Variants in TRAPPC9 observed in about 807,000 individuals in gnomAD.
TRAPPC9 encodes trafficking protein particle complex subunit 9.
TRAPPC9 carries 83 observed loss-of-function variants against 124.0 expected under a neutral mutation model. That is an observed-to-expected ratio of 0.67 (90% confidence interval 0.56 to 0.80). The LOEUF is 0.80. TRAPPC9 is among the 30% of genes least tolerant of loss of function. TRAPPC9 has a pLI of 0.00. For synonymous variants in TRAPPC9, 638 were observed against 617.5 expected, an observed-to-expected ratio of 1.03 and a Z score of -0.49; for missense variants, 1,302 against 1,508.3, an observed-to-expected ratio of 0.86 and a Z score of 2.27.
intron 19 of TRAPPC9, among the ~76,000 whole-genome samples, chr8:139,970,904 G>A (rs769722675): frequency 5.3e-5 from 8 of 151,218 alleles, no homozygotes; most frequent in South Asian, 2.1e-4. Flanking sequence ...GCCCCCTGTC[G>A]AACCCCCTCC....
chr8:139,914,509 A>G (rs1212931148), intron 19 of TRAPPC9, among the ~76,000 whole-genome samples: 1 of 152,184 alleles, frequency 6.6e-6, no homozygotes, highest in Non-Finnish European at 1.5e-5. Flanking sequence ...TTCAGAGCCC[A>G]CCACCTGGGC....
chr8:140,349,349 C>CT lies in TRAPPC9; in HGVS notation c.1495+10700_1495+10701insA, dbSNP rs1229371745. Among the ~76,000 whole-genome samples, 44 of 93,208 alleles carry CT rather than the reference C, an allele frequency of 4.7e-4. 5 individuals carry two copies. The highest frequency in any genetic ancestry group is 1.1e-3 in the African/African-American group (24 of 22,446). The allele number at this position is 93,208 out of a possible 152,430, so 61.1% of individuals were successfully genotyped here. ...GGGCACACAAGGGGGCCGAAGGGGG[C>CT]GCGCGAGGGAAGGGCGCGCGAGGGA... On this transcript the variant is annotated intron_variant, in intron 9 of 22. Coordinates refer to ENST00000438773, the MANE Select transcript of TRAPPC9 (RefSeq NM_001160372.4).
intron 8 of TRAPPC9, among the ~76,000 whole-genome samples, chr8:140,362,043 C>T (rs115941152): frequency 0.027 from 4,075 of 152,276 alleles, 97 homozygotes; most frequent in African/African-American, 0.067. Flanking sequence ...ACCAGTCCCT[C>T]TTCTGTATTT....
At chr8:139,774,927 A>G (rs988360001) in intron 21 of TRAPPC9, among the ~76,000 whole-genome samples, 1 of 152,232 alleles carries the variant, frequency 6.6e-6, no homozygotes, top group Admixed American at 6.5e-5. Context: ...AAAGTCTTCA[A>G]GTCCCAGGAA....
chr8:140,151,505 G>A (rs189701819), intron 17 of TRAPPC9, among the ~76,000 whole-genome samples: 105 of 152,252 alleles, frequency 6.9e-4, no homozygotes, highest in African/African-American at 2.4e-3. Flanking sequence ...GCTTGCAGAC[G>A]GCATCTTCAG....
chr8:139,983,455 A>G (rs1017217526), intron 19 of TRAPPC9, among the ~76,000 whole-genome samples: 3 of 148,688 alleles, frequency 2.0e-5, no homozygotes, highest in Admixed American at 1.3e-4. Context: ...TGTGCTCTGC[A>G]TTCTCCTCAC....
At chr8:140,162,111 T>C (rs2061761584) in intron 17 of TRAPPC9, among the ~76,000 whole-genome samples, 1 of 152,186 alleles carries the variant, frequency 6.6e-6, no homozygotes, top group African/African-American at 2.4e-5. Flanking sequence ...TACCACTCTA[T>C]TTCTGTAAAT....
intron 21 of TRAPPC9, among the ~76,000 whole-genome samples, chr8:139,882,206 G>T (rs1267368296): frequency 1.3e-5 from 2 of 152,328 alleles, no homozygotes; most frequent in East Asian, 3.9e-4. Flanking sequence ...GATTTATGGA[G>T]TGCCAGACAC....
intron 19 of TRAPPC9, among the ~76,000 whole-genome samples, chr8:139,930,053 A>G (rs1037505996): frequency 2.0e-5 from 3 of 152,258 alleles, no homozygotes; most frequent in East Asian, 3.8e-4. Flanking sequence ...TGTTATGAAC[A>G]GGTAATTTAA....
At chr8:140,213,427 T>C (rs960385779) in intron 17 of TRAPPC9, among the ~76,000 whole-genome samples, 1 of 152,234 alleles carries the variant, frequency 6.6e-6, no homozygotes, top group African/African-American at 2.4e-5. Flanking sequence ...GTGTCTTCTC[T>C]CTGATCAATC....
chr8:139,755,460 G>C (rs1293314004), intron 21 of TRAPPC9, among the ~76,000 whole-genome samples: 3 of 145,874 alleles, frequency 2.1e-5, no homozygotes, highest in African/African-American at 7.8e-5. Flanking sequence ...CCAGGGTTTC[G>C]GGATGAGGAC....
chr8:140,300,310 T>C (rs1362016664), intron 11 of TRAPPC9, among the ~76,000 whole-genome samples, 159 bp downstream of exon 11: 2 of 151,212 alleles, frequency 1.3e-5, no homozygotes, highest in East Asian at 1.9e-4. Context: ...CATGCACACA[T>C]GCACACACAT....
intron 17 of TRAPPC9, among the ~76,000 whole-genome samples, chr8:140,047,398 T>G (rs1841676103): frequency 6.6e-6 from 1 of 152,228 alleles, no homozygotes; most frequent in Admixed American, 6.5e-5. Flanking sequence ...ATGGAAGTCG[T>G]TCTCTGCGGA....
At chr8:140,173,196 G>A (rs1464606919) in intron 17 of TRAPPC9, among the ~76,000 whole-genome samples, 1 of 152,160 alleles carries the variant, frequency 6.6e-6, no homozygotes, top group African/African-American at 2.4e-5. Context: ...GAATTACCAG[G>A]AAGGAGAGAA....
intron 19 of TRAPPC9, among the ~76,000 whole-genome samples, chr8:139,950,076 G>T (rs1317900117): frequency 6.6e-6 from 1 of 152,224 alleles, no homozygotes; most frequent in African/African-American, 2.4e-5. Context: ...GCACCCCCTA[G>T]AAAGTTTTTG....
chr8:140,033,694 T>TTTTG, intron 17 of TRAPPC9, among the ~76,000 whole-genome samples: 2 of 113,660 alleles, frequency 1.8e-5, no homozygotes, highest in Non-Finnish European at 3.3e-5. Flanking sequence ...TTTTTTTTTT[T>TTTTG]TTTTTGAGAC....
rs1319692652 is a variant in TRAPPC9, at chr8:139,825,815, A to G, written c.3055+60064T>C. Among the ~76,000 whole-genome samples the G allele has an allele frequency of 6.6e-6, 1 of 151,672 alleles. No homozygotes were observed. The highest frequency in any genetic ancestry group is 1.5e-5 in the Non-Finnish European group (1 of 67,952). ...ACAACAGCCGTGAGACGATGGCCGG[A>G]GCTGAGTGTCAACGCCCAAGGATTT... On this transcript the variant is annotated intron_variant, in intron 21 of 22. Transcript: ENST00000438773. The surrounding 1 kb of genome is among the most constrained non-coding windows in gnomAD (Gnocchi z 4.6).
At chr8:140,284,170 C>CG in intron 13 of TRAPPC9, 149 bp from the exon 14 acceptor site, 1 of 914,976 alleles carries the variant, frequency 1.1e-6, no homozygotes, top group Non-Finnish European at 1.8e-6. Context: ...CCCACACTCC[C>CG]GCCCTCAACC....
intron 21 of TRAPPC9, among the ~76,000 whole-genome samples, chr8:139,795,993 G>A (rs1202203002): frequency 6.6e-6 from 1 of 151,854 alleles, no homozygotes; most frequent in East Asian, 1.9e-4. Context: ...CATGAAATGG[G>A]TTTGGTGGAG....
Sources: gnomAD v4.1 joint callset for allele counts (sites outside exome capture counted in the v4.1 genomes callset) on GRCh38, gnomAD v4.1.1 for gene constraint, Gnocchi (gnomAD v3.1) non-coding constraint, MANE v1.5 for transcripts, NCBI Gene and HGNC (gene_info 2026-07-23, HGNC 2026-07-21) for gene names.